The following USP6NL variants were observed in gnomAD, a reference collection of about 807,000 sequenced individuals.
USP6NL encodes the protein USP6 N-terminal-like protein.
In USP6NL, 26 loss-of-function variants were observed where a neutral mutation model predicts 61.9. That is an observed-to-expected ratio of 0.42 (90% confidence interval 0.31 to 0.58). The LOEUF is 0.58. Ranked by LOEUF, USP6NL falls within the 20% of genes least tolerant of loss-of-function variation. The pLI is 0.16. For synonymous variants in USP6NL, 432 were observed against 390.1 expected, an observed-to-expected ratio of 1.11 and a Z score of -1.27; for missense variants, 1,114 against 1,034.3, an observed-to-expected ratio of 1.08 and a Z score of -1.06.
At chr10:11,539,628 C>A (rs1835972402) in intron 2 of USP6NL, among the ~76,000 whole-genome samples, 1 of 152,204 alleles carries the variant, frequency 6.6e-6, no homozygotes, top group South Asian at 2.1e-4. Flanking sequence ...ATATTTAGAA[C>A]CAAGACAAAC....
intron 6 of USP6NL, among the ~76,000 whole-genome samples, chr10:11,502,207 C>T (rs1834229795): frequency 6.7e-6 from 1 of 149,644 alleles, no homozygotes; most frequent in East Asian, 2.0e-4. Context: ...TGCAGTGAGC[C>T]GAGATTGCGC....
chr10:11,582,181 G>A (rs980604689), intron 2 of USP6NL, among the ~76,000 whole-genome samples: 1 of 152,230 alleles, frequency 6.6e-6, no homozygotes, highest in Non-Finnish European at 1.5e-5. Flanking sequence ...GGGCAGGCTG[G>A]TGTCAAACTC....
chr10:11,570,761 G>A (rs774349982), intron 2 of USP6NL, among the ~76,000 whole-genome samples: 7 of 152,228 alleles, frequency 4.6e-5, no homozygotes, highest in South Asian at 4.2e-4. Flanking sequence ...CTTTTCAGTC[G>A]GCTCGATGGT....
At chr10:11,492,317 T>C (rs1184366515) in intron 8 of USP6NL, among the ~76,000 whole-genome samples, 4 of 152,238 alleles carry the variant, frequency 2.6e-5, no homozygotes, top group Non-Finnish European at 4.4e-5. Context: ...TCCCCAGATA[T>C]ACAAAACACT....
In USP6NL at chr10:11,501,243, C is replaced by T. The variant is rs780338186; in HGVS notation, c.277-35G>A. On this transcript the variant is annotated intron_variant, in intron 6 of 14. Transcript: ENST00000609104. ...AGAAAAAGAAACTGAAGGTTACAAA[C>T]TGAAAAAAACTTAGATTAGTCTCTA... The T allele has an allele frequency of 7.9e-6, 12 of 1,520,086 alleles. No individual in the cohort carries two copies. In the Admixed American group the frequency reaches 2.1e-4, roughly 26 times the overall value. The allele number at this position is 1,520,086 out of a possible 1,614,324, so 94.2% of individuals were successfully genotyped here.
At chr10:11,542,225 C>A (rs1364153017) in intron 2 of USP6NL, among the ~76,000 whole-genome samples, 2 of 152,088 alleles carry the variant, frequency 1.3e-5, no homozygotes, top group East Asian at 1.9e-4. Flanking sequence ...CTAGCTATCA[C>A]GTAATACAAA....
At chr10:11,471,140 G>C (rs961013877) in intron 14 of USP6NL, among the ~76,000 whole-genome samples, 1 of 151,982 alleles carries the variant, frequency 6.6e-6, no homozygotes, top group Non-Finnish European at 1.5e-5. Context: ...AGCCGAGAAC[G>C]CCACTGCACT....
intron 2 of USP6NL, among the ~76,000 whole-genome samples, chr10:11,529,186 A>G (rs1835545698): frequency 6.6e-6 from 1 of 152,212 alleles, no homozygotes; most frequent in African/African-American, 2.4e-5. Context: ...TAGAAAAAAA[A>G]AATCAACTTC....
At chr10:11,519,353 G>A (rs535357505) in intron 4 of USP6NL, among the ~76,000 whole-genome samples, 1 of 152,330 alleles carries the variant, frequency 6.6e-6, no homozygotes, top group South Asian at 2.1e-4. Context: ...TGCTTGGCTG[G>A]GTGCGGTGGC....
Position 11,518,491 on chromosome 10 carries a change from G to C in USP6NL, c.195+44C>G, listed in dbSNP as rs530224840. The C allele has an allele frequency of 1.9e-5, 29 of 1,555,388 alleles. No homozygotes were observed. In the South Asian group the frequency reaches 3.2e-4, roughly 17 times the overall value. ...TGGTCAATTTTATTCTTCTAATAAA[G>C]GCAATTCACCAGTAACTGTAAATAC... On this transcript the variant is annotated intron_variant, in intron 5 of 14. Transcript: ENST00000609104. This position sits in a 1 kb window ranked among gnomAD's most constrained non-coding sequence, Gnocchi z 5.3.
At chr10:11,514,845 C>T (rs993949063) in intron 5 of USP6NL, among the ~76,000 whole-genome samples, 1 of 152,118 alleles carries the variant, frequency 6.6e-6, no homozygotes, top group African/African-American at 2.4e-5. Flanking sequence ...AACATACAGT[C>T]AAGGAAAATA....
rs937842437 is a variant in USP6NL at position 11,561,521 on chromosome 10, T to C, written c.5-33954A>G. 6.6e-6 allele frequency among the ~76,000 whole-genome samples: 1 copy of C among 152,244 alleles called. No homozygotes were observed. Among genetic ancestry groups the C allele is most frequent in the Non-Finnish European group, 1.5e-5 (1 of 68,048 alleles). ...AATTATCTTTCTACTCAAATATATT[T>C]CATAGACATTTTTCCAGGTCTGTTC... On this transcript the variant is annotated intron_variant, in intron 2 of 14. Coordinates refer to ENST00000609104, the MANE Select transcript of USP6NL (RefSeq NM_014688.5). The surrounding 1 kb of genome is among the most constrained non-coding windows in gnomAD (Gnocchi z 4.1).
chr10:11,527,723 T>C (rs17150509), intron 2 of USP6NL, among the ~76,000 whole-genome samples, 156 bp from the exon 3 acceptor site: 16,417 of 152,234 alleles, frequency 0.11, 1,397 homozygotes, highest in East Asian at 0.43. Flanking sequence ...TATTTGTAAC[T>C]ACAACTTTGT....
In USP6NL at chr10:11,562,332, G is replaced by A. The variant is rs1040211586; in HGVS notation, c.5-34765C>T. The A allele has an allele frequency of 4.5e-5, 44 of 970,538 alleles. No individual in the cohort carries two copies. The highest frequency in any genetic ancestry group is 1.9e-4 in the South Asian group (4 of 21,000). 60.1% of individuals were successfully genotyped at this position (970,538 alleles called of 1,614,324 possible). On this transcript the variant is annotated intron_variant, in intron 2 of 14. Coordinates refer to ENST00000609104, the MANE Select transcript of USP6NL (RefSeq NM_014688.5). This position sits in a 1 kb window ranked among gnomAD's most constrained non-coding sequence, Gnocchi z 4.8. Reference sequence around the variant, plus strand: ...AGCAGCAGCCATGTGACACAGTTCCGGCTGATGGCTTAAGGAAAAGCTTTT... The same window carrying A: ...AGCAGCAGCCATGTGACACAGTTCCAGCTGATGGCTTAAGGAAAAGCTTTT...
At chr10:11,610,800 T>C (rs1838863990) in intron 1 of USP6NL, among the ~76,000 whole-genome samples, 1 of 152,110 alleles carries the variant, frequency 6.6e-6, no homozygotes, top group South Asian at 2.1e-4. Context: ...GAGACAACAT[T>C]TTCAAATTAC....
chr10:11,498,600 C>T (rs1834046412), intron 7 of USP6NL, among the ~76,000 whole-genome samples: 1 of 152,026 alleles, frequency 6.6e-6, no homozygotes, highest in Non-Finnish European at 1.5e-5. Flanking sequence ...AGGTAATTCC[C>T]ATAGAGCACT....
At chr10:11,466,146 T>C (rs1490584831) in intron 14 of USP6NL, among the ~76,000 whole-genome samples, 1 of 152,248 alleles carries the variant, frequency 6.6e-6, no homozygotes, top group Admixed American at 6.5e-5. Flanking sequence ...ATGGTTAACA[T>C]GGGTTCGGCT....
intron 1 of USP6NL, among the ~76,000 whole-genome samples, chr10:11,610,253 T>A (rs2133700595): frequency 6.6e-6 from 1 of 152,342 alleles, no homozygotes; most frequent in Admixed American, 6.5e-5. Context: ...AGTAATGAAC[T>A]ACACTATGTT....
At chr10:11,504,845 C>A (rs1447520543) in intron 6 of USP6NL, among the ~76,000 whole-genome samples, 1 of 152,164 alleles carries the variant, frequency 6.6e-6, no homozygotes, top group African/African-American at 2.4e-5. Flanking sequence ...GAGCACCATG[C>A]CCTGACAGGG....
Sources: gnomAD v4.1 joint callset for allele counts (sites outside exome capture counted in the v4.1 genomes callset) on GRCh38, gnomAD v4.1.1 for gene constraint, Gnocchi (gnomAD v3.1) non-coding constraint, MANE v1.5 for transcripts, NCBI Gene and HGNC (gene_info 2026-07-23, HGNC 2026-07-21) for gene names.